The following SPON1 variants were observed in gnomAD, a reference collection of about 807,000 sequenced individuals.
The protein encoded by SPON1 is spondin 1, also known as spondin-1.
SPON1 carries 52 observed loss-of-function variants against 111.7 expected under a neutral mutation model. The ratio of observed to expected loss-of-function variants is 0.47; its 90% CI spans 0.37 to 0.59. The LOEUF (loss-of-function observed/expected upper bound fraction) is 0.59. SPON1 is among the 20% of genes least tolerant of loss of function. The probability of loss-of-function intolerance (pLI) is 0.00; values close to 1 mark genes in which losing one functional copy is unlikely to be tolerated. For synonymous variants in SPON1, 410 were observed against 395.8 expected (o/e 1.04, Z -0.43); for missense variants, 957 against 1,068.5 (o/e 0.90, Z 1.46).
chr11:14,010,931 A>G (rs1848399608), intron 2 of SPON1, among the ~76,000 whole-genome samples: 1 of 152,236 alleles, frequency 6.6e-6, no homozygotes, highest in East Asian at 1.9e-4. Flanking sequence ...AATGCCCTTG[A>G]TAAACGGCAA....
chr11:14,158,944 C>T (rs1202136871), intron 6 of SPON1, among the ~76,000 whole-genome samples: 6 of 152,024 alleles, frequency 3.9e-5, no homozygotes, highest in East Asian at 1.9e-4. Flanking sequence ...GAGAACTGTA[C>T]GTCTGTCTGC....
intron 1 of SPON1, among the ~76,000 whole-genome samples, chr11:13,979,609 G>T (rs1848128882): frequency 6.6e-6 from 1 of 152,104 alleles, no homozygotes; most frequent in Non-Finnish European, 1.5e-5. Context: ...GGGCCATTTT[G>T]GAGTGTAAAG....
At chr11:14,247,928 G>C (rs782466873) in intron 7 of SPON1, among the ~76,000 whole-genome samples, 2 of 152,174 alleles carry the variant, frequency 1.3e-5, no homozygotes, top group Non-Finnish European at 2.9e-5. Context: ...AGGAATGGGA[G>C]ACAATGCCAA....
chr11:14,263,053 T>TAAAAAAAAAA (rs34480564), intron 15 of SPON1, 78 bp downstream of exon 15: 2 of 952,556 alleles, frequency 2.1e-6, no homozygotes, highest in Non-Finnish European at 2.9e-6. Context: ...TGGACCTGTT[T>TAAAAAAAAAA]AAAAAAAAAA....
rs538591446 is a variant in SPON1 at position 14,024,535 on chromosome 11, G to A, written c.346-16986G>A. Among the ~76,000 whole-genome samples, 13 of 152,252 alleles carry A rather than the reference G, an allele frequency of 8.5e-5. No homozygotes were observed. The South Asian group carries it at 1.2e-3, about 15-fold the overall frequency. Reference sequence around the variant, plus strand: ...CCTGGCTGAACTCCCCTCAGAGTCCGCATTGTTCCACCATCGCTGGTCTGC... The same window carrying A: ...CCTGGCTGAACTCCCCTCAGAGTCCACATTGTTCCACCATCGCTGGTCTGC... On this transcript the variant is annotated intron_variant, in intron 2 of 15. Transcript: ENST00000576479.
At chr11:14,056,850 C>G (rs1848748320) in intron 3 of SPON1, among the ~76,000 whole-genome samples, 1 of 152,120 alleles carries the variant, frequency 6.6e-6, no homozygotes, top group African/African-American at 2.4e-5. Context: ...GAGATCGCGC[C>G]ACTGCACTCC....
chr11:14,217,174 A>G lies in SPON1; in HGVS notation c.826-26158A>G, dbSNP rs117771799. Among the ~76,000 whole-genome samples the G allele has an allele frequency of 8.0e-3, 1,225 of 152,324 alleles. 15 individuals carry two copies. Among genetic ancestry groups the G allele is most frequent in the Non-Finnish European group, 0.012 (807 of 68,030 alleles). The stretch of plus-strand genomic sequence containing the variant: ...CAGATCAGATGGTTGTCTTGCTTGT[A>G]TCAGAGCTAATGCTTCCGTGGGGAG... On this transcript the variant is annotated intron_variant, in intron 6 of 15. Coordinates refer to ENST00000576479, the MANE Select transcript of SPON1 (RefSeq NM_006108.4).
rs553315401 is a variant in SPON1, at chr11:14,083,974, G to T, written c.676+3953G>T. Among the ~76,000 whole-genome samples the T allele has an allele frequency of 3.9e-5, 6 of 152,240 alleles. No homozygotes were observed. The South Asian group carries it at 1.2e-3, about 32-fold the overall frequency. On this transcript the variant is annotated intron_variant, in intron 5 of 15. Coordinates refer to ENST00000576479, the MANE Select transcript of SPON1 (RefSeq NM_006108.4). Reference sequence around the variant, plus strand: ...AGTCCAGCTTGCACCTCAAAGAGTCGCATAAGTGCTTTTATTCAAGACAAT... The same window carrying T: ...AGTCCAGCTTGCACCTCAAAGAGTCTCATAAGTGCTTTTATTCAAGACAAT...
intron 5 of SPON1, among the ~76,000 whole-genome samples, chr11:14,104,340 T>G (rs1849169084): frequency 6.6e-6 from 1 of 152,106 alleles, no homozygotes; most frequent in African/African-American, 2.4e-5. Flanking sequence ...AATTTGTTTT[T>G]TTTTCCCCTA....
intron 6 of SPON1, among the ~76,000 whole-genome samples, chr11:14,222,835 A>G (rs1848695423): frequency 6.6e-6 from 1 of 152,186 alleles, no homozygotes; most frequent in Non-Finnish European, 1.5e-5. Context: ...GCCAATTTCC[A>G]GCTACCAATG....
At chr11:14,098,229 C>T (rs1849117148) in intron 5 of SPON1, among the ~76,000 whole-genome samples, 1 of 152,226 alleles carries the variant, frequency 6.6e-6, no homozygotes, top group Non-Finnish European at 1.5e-5. Context: ...ATCTCCTAAC[C>T]TTGTGATCCG....
At chr11:14,052,471 G>A (rs1848715186) in intron 3 of SPON1, among the ~76,000 whole-genome samples, 1 of 152,178 alleles carries the variant, frequency 6.6e-6, no homozygotes, top group Non-Finnish European at 1.5e-5. Context: ...TTTGTTGTAA[G>A]TCAGGGTGGT....
intron 7 of SPON1, among the ~76,000 whole-genome samples, chr11:14,248,521 A>G (rs1554940419): frequency 6.6e-6 from 1 of 152,084 alleles, no homozygotes; most frequent in African/African-American, 2.4e-5. Flanking sequence ...CCAAACACCC[A>G]AAACCTCTGC....
chr11:14,146,216 G>A (rs2133865900), intron 6 of SPON1, among the ~76,000 whole-genome samples: 1 of 145,816 alleles, frequency 6.9e-6, no homozygotes, highest in South Asian at 2.2e-4. Context: ...GTGGCACCGT[G>A]TTGGCTCACT....
At chr11:14,168,228 C>T (rs909433776) in intron 6 of SPON1, among the ~76,000 whole-genome samples, 5 of 152,156 alleles carry the variant, frequency 3.3e-5, no homozygotes, top group Non-Finnish European at 7.3e-5. Flanking sequence ...GACCTTAAAG[C>T]ATTTAGCAAA....
chr11:14,023,091 G>A (rs774921220), intron 2 of SPON1, among the ~76,000 whole-genome samples: 7 of 152,154 alleles, frequency 4.6e-5, no homozygotes, highest in Admixed American at 6.5e-5. Context: ...ACTGGAGCTC[G>A]GTGGGTGAGA....
At chr11:14,123,321 C>A (rs1231540126) in intron 5 of SPON1, among the ~76,000 whole-genome samples, 1 of 152,052 alleles carries the variant, frequency 6.6e-6, no homozygotes, top group Non-Finnish European at 1.5e-5. Context: ...AAGAGTATGA[C>A]AAATGGTTAA....
chr11:14,246,446 C>T (rs1480878110), intron 7 of SPON1, among the ~76,000 whole-genome samples: 6 of 152,128 alleles, frequency 3.9e-5, no homozygotes, highest in African/African-American at 9.7e-5. Context: ...GATTCTAATG[C>T]CTGTGCTTTT....
intron 1 of SPON1, among the ~76,000 whole-genome samples, chr11:13,969,283 G>A (rs1848044406): frequency 6.6e-6 from 1 of 151,966 alleles, no homozygotes; most frequent in Non-Finnish European, 1.5e-5. Context: ...CTACTCAGGA[G>A]GCTGAGGCAG....
Sources: gnomAD v4.1 joint callset for allele counts (sites outside exome capture counted in the v4.1 genomes callset) on GRCh38, gnomAD v4.1.1 for gene constraint, MANE v1.5 for transcripts, NCBI Gene and HGNC (gene_info 2026-07-23, HGNC 2026-07-21) for gene names.